The following ARHGAP10 variants were observed in gnomAD, a reference collection of about 807,000 sequenced individuals.
ARHGAP10 encodes the protein Rho GTPase activating protein 10.
A neutral mutation model predicts 108.6 loss-of-function variants in ARHGAP10; 87 were observed. The observed-to-expected ratio is 0.80, with a 90% CI of 0.67 to 0.96. The LOEUF (loss-of-function observed/expected upper bound fraction) is 0.96, where lower values mean the gene tolerates loss of function less well. Ranked by LOEUF, ARHGAP10 falls within the 40% of genes least tolerant of loss-of-function variation. ARHGAP10 has a pLI of 0.00. For missense variants in ARHGAP10, 939 were observed against 954.5 expected (o/e 0.98, Z 0.21); for synonymous variants, 347 against 341.1 (o/e 1.02, Z -0.19).
chr4:148,017,826 A>G lies in ARHGAP10; in HGVS notation c.1717-5437A>G, dbSNP rs187854349. ...TGCTAAAGCAAAATTTGCAGAGACCATCTTATATCCTGTTATTGGCAAAGT... is the reference window on the plus strand; with the variant it reads ...TGCTAAAGCAAAATTTGCAGAGACCGTCTTATATCCTGTTATTGGCAAAGT... On this transcript the variant is annotated intron_variant, in intron 18 of 22. Coordinates refer to ENST00000336498, the MANE Select transcript of ARHGAP10 (RefSeq NM_024605.4). 2.1e-4 allele frequency among the ~76,000 whole-genome samples: 32 copies of G among 152,232 alleles called. 1 individual carries two copies. Among genetic ancestry groups the G allele is most frequent in the African/African-American group, 7.0e-4 (29 of 41,536 alleles).
chr4:147,788,245 G>A (rs1448622061), intron 1 of ARHGAP10, among the ~76,000 whole-genome samples: 2 of 152,044 alleles, frequency 1.3e-5, no homozygotes, highest in Admixed American at 1.3e-4. Flanking sequence ...AGGAGTTTGA[G>A]ACCAGCCTGA....
rs556340865 is a variant in ARHGAP10 at position 147,741,094 on chromosome 4, T to G, written c.154+8639T>G. Among the ~76,000 whole-genome samples, 5 of 152,302 alleles carry G rather than the reference T, an allele frequency of 3.3e-5. No individual in the cohort carries two copies. In the South Asian group the frequency reaches 1.0e-3, roughly 32 times the overall value. On this transcript the variant is annotated intron_variant, in intron 1 of 22. Coordinates refer to ENST00000336498, the MANE Select transcript of ARHGAP10 (RefSeq NM_024605.4). ...TAACTTTATTTCATTTAGTTCAACC[T>G]TTTTTTCCTACAAGTGACATTTAAA... is the stretch of plus-strand genomic sequence containing the variant.
chr4:147,827,446 C>T (rs892751113), intron 3 of ARHGAP10, among the ~76,000 whole-genome samples: 1 of 152,152 alleles, frequency 6.6e-6, no homozygotes, highest in Non-Finnish European at 1.5e-5. Context: ...ATGTGGCTCA[C>T]ATGGAGTGGG....
intron 4 of ARHGAP10, among the ~76,000 whole-genome samples, chr4:147,850,223 G>T (rs1733812295): frequency 6.6e-6 from 1 of 152,204 alleles, no homozygotes; most frequent in South Asian, 2.1e-4. Context: ...TCAGCACTCT[G>T]TAAAATGGAT....
intron 13 of ARHGAP10, among the ~76,000 whole-genome samples, chr4:147,921,146 C>G (rs908607859): frequency 6.6e-6 from 1 of 152,158 alleles, no homozygotes; most frequent in South Asian, 2.1e-4. Flanking sequence ...GTAGATAGTG[C>G]AGATACAGCC....
At chr4:147,977,223 T>C (rs772608049) in intron 18 of ARHGAP10, among the ~76,000 whole-genome samples, 2 of 152,186 alleles carry the variant, frequency 1.3e-5, no homozygotes, top group African/African-American at 4.8e-5. Flanking sequence ...AGGTTGTTTA[T>C]ATTCCCAGGA....
chr4:147,968,731 C>T (rs1281656136), intron 18 of ARHGAP10, among the ~76,000 whole-genome samples: 3 of 152,092 alleles, frequency 2.0e-5, no homozygotes, highest in Non-Finnish European at 4.4e-5. Flanking sequence ...CTGACTTCTG[C>T]CTCTAAGATG....
intron 18 of ARHGAP10, among the ~76,000 whole-genome samples, chr4:148,019,028 A>T (rs554111229): frequency 6.6e-6 from 1 of 152,390 alleles, no homozygotes; most frequent in South Asian, 2.1e-4. Flanking sequence ...AGTAATTTAT[A>T]TCCAAAATTT....
At chr4:147,776,160 T>C (rs150769321) in intron 1 of ARHGAP10, among the ~76,000 whole-genome samples, 75 of 152,302 alleles carry the variant, frequency 4.9e-4, no homozygotes, top group Middle Eastern at 3.4e-3. Context: ...TGTGTAGACC[T>C]GCTAGTGGCA....
At chr4:147,761,029 T>C (rs1442288244) in intron 1 of ARHGAP10, among the ~76,000 whole-genome samples, 2 of 151,980 alleles carry the variant, frequency 1.3e-5, no homozygotes, top group African/African-American at 2.4e-5. Flanking sequence ...TTTTTTTTTT[T>C]TTTTTGACAC....
chr4:147,772,433 A>G (rs1439311278), intron 1 of ARHGAP10, among the ~76,000 whole-genome samples: 1 of 152,190 alleles, frequency 6.6e-6, no homozygotes, highest in East Asian at 1.9e-4. Flanking sequence ...ACAGATGGGA[A>G]GTTTAGAGCA....
At chr4:147,832,143 T>C (rs1159361492) in intron 3 of ARHGAP10, among the ~76,000 whole-genome samples, 1 of 152,030 alleles carries the variant, frequency 6.6e-6, no homozygotes, top group Non-Finnish European at 1.5e-5. Flanking sequence ...AACCAGCCCA[T>C]TTAATTGTCT....
chr4:147,859,195 G>T (rs970578846), intron 5 of ARHGAP10, among the ~76,000 whole-genome samples: 2 of 151,902 alleles, frequency 1.3e-5, no homozygotes, highest in African/African-American at 4.8e-5. Context: ...CCACTCAGAG[G>T]TCAGTTTATT....
chr4:147,766,412 T>C (rs1729814170), intron 1 of ARHGAP10, among the ~76,000 whole-genome samples: 1 of 151,976 alleles, frequency 6.6e-6, no homozygotes, highest in South Asian at 2.1e-4. Context: ...AGTTATATTG[T>C]ATTGTTCAGG....
chr4:147,972,487 G>T (rs115037773), intron 18 of ARHGAP10, among the ~76,000 whole-genome samples: 2 of 152,178 alleles, frequency 1.3e-5, no homozygotes, highest in South Asian at 2.1e-4. Context: ...GAAGTGCTTG[G>T]GTTTGAACTG....
At chr4:148,008,191 G>GT (rs893041674) in intron 18 of ARHGAP10, among the ~76,000 whole-genome samples, 3 of 152,080 alleles carry the variant, frequency 2.0e-5, no homozygotes, top group Non-Finnish European at 2.9e-5. Flanking sequence ...CTGCTTGATA[G>GT]TTTTTTCTGT....
chr4:147,887,085 C>T (rs1735600127), intron 10 of ARHGAP10, among the ~76,000 whole-genome samples: 1 of 152,138 alleles, frequency 6.6e-6, no homozygotes. Flanking sequence ...TTGCTGTATA[C>T]TCCCAGTTGA....
chr4:147,778,819 G>C (rs1239626491), intron 1 of ARHGAP10, among the ~76,000 whole-genome samples: 1 of 152,150 alleles, frequency 6.6e-6, no homozygotes, highest in East Asian at 1.9e-4. Flanking sequence ...GTGGTACAGG[G>C]AATGAATTCT....
intron 18 of ARHGAP10, among the ~76,000 whole-genome samples, chr4:148,000,234 A>G (rs1394839749): frequency 1.3e-5 from 2 of 152,130 alleles, no homozygotes; most frequent in Non-Finnish European, 2.9e-5. Flanking sequence ...AGCTTCATCC[A>G]TGTCCCTACA....
Sources: allele counts gnomAD v4.1 joint callset (sites outside exome capture counted in the v4.1 genomes callset), GRCh38; gene constraint gnomAD v4.1.1; transcripts MANE v1.5; gene names NCBI Gene and HGNC (gene_info 2026-07-23, HGNC 2026-07-21).